The following UST variants were observed in gnomAD, a reference collection of about 807,000 sequenced individuals.
UST encodes chondroitin sulfate 2-O-sulfotransferase.
UST carries 21 observed loss-of-function variants against 45.6 expected under a neutral mutation model. The ratio of observed to expected loss-of-function variants is 0.46; its 90% CI spans 0.33 to 0.66. The LOEUF (loss-of-function observed/expected upper bound fraction) is 0.66. Among genes scored for constraint, UST ranks in the 30% least tolerant of loss-of-function variants. The pLI, the probability that UST is intolerant of heterozygous loss-of-function variation, is 0.02. For missense variants in UST, 463 were observed against 512.4 expected (o/e 0.90, Z 0.93); for synonymous variants, 215 against 200.6 (o/e 1.07, Z -0.61).
At chr6:148,772,214 A>T (rs1402501135) in intron 1 of UST, among the ~76,000 whole-genome samples, 1 of 152,178 alleles carries the variant, frequency 6.6e-6, no homozygotes, top group Non-Finnish European at 1.5e-5. Flanking sequence ...GTTTCTCTTT[A>T]TCGGTTTCTG....
At chr6:148,849,280 A>C (rs1778060175) in intron 1 of UST, among the ~76,000 whole-genome samples, 1 of 152,216 alleles carries the variant, frequency 6.6e-6, no homozygotes, top group Admixed American at 6.5e-5. Flanking sequence ...CATAGAGCTG[A>C]ATGTAAAAAT....
chr6:148,957,021 A>G (rs116688846), intron 4 of UST, among the ~76,000 whole-genome samples: 626 of 152,294 alleles, frequency 4.1e-3, no homozygotes, highest in African/African-American at 0.014. Flanking sequence ...TTCCCAGCAC[A>G]GCGACCAGCA....
chr6:148,912,393 C>T (rs1326022124), intron 2 of UST, among the ~76,000 whole-genome samples: 6 of 152,210 alleles, frequency 3.9e-5, no homozygotes, highest in African/African-American at 7.2e-5. Context: ...AAGAAAAGGA[C>T]GAAGGCCGAG....
chr6:149,010,382 G>A (rs998847687), intron 5 of UST, among the ~76,000 whole-genome samples: 3 of 152,104 alleles, frequency 2.0e-5, no homozygotes, highest in African/African-American at 7.2e-5. Context: ...CAAAGACCGC[G>A]GTTCCTTGTT....
chr6:148,754,056 G>A (rs895362071), intron 1 of UST, among the ~76,000 whole-genome samples: 11 of 150,410 alleles, frequency 7.3e-5, no homozygotes, highest in Admixed American at 2.7e-4. Context: ...GTGCAGTGGC[G>A]CGATCTCAGC....
chr6:148,805,312 C>G (rs537329794), intron 1 of UST, among the ~76,000 whole-genome samples: 1 of 152,130 alleles, frequency 6.6e-6, no homozygotes, highest in South Asian at 2.1e-4. Flanking sequence ...TAGAAATGTT[C>G]ACAAATCATG....
chr6:148,765,413 TG>T (rs1776303519), intron 1 of UST, among the ~76,000 whole-genome samples: 1 of 152,234 alleles, frequency 6.6e-6, no homozygotes. Context: ...CCTCCAGCTT[TG>T]TTCTTTTTGC....
intron 2 of UST, among the ~76,000 whole-genome samples, chr6:148,907,373 T>C (rs2114872956): frequency 6.6e-6 from 1 of 152,322 alleles, no homozygotes; most frequent in Middle Eastern, 3.4e-3. Flanking sequence ...AGAGGTGTAC[T>C]TATACTAAAT....
At chr6:149,043,019 CTTTTTCTT>C (rs1776344904) in intron 7 of UST, among the ~76,000 whole-genome samples, 2 of 103,386 alleles carry the variant, frequency 1.9e-5, no homozygotes, top group Admixed American at 1.8e-4. Context: ...TTCTTTCTTT[CTTTTTCTT>C]TCTTTCTTTC....
rs183868601 is a variant in UST, at chr6:148,788,792, C to T, written c.247+41115C>T. Among the ~76,000 whole-genome samples the T allele has an allele frequency of 2.6e-5, 4 of 152,244 alleles. No individual in the cohort carries two copies. In the East Asian group the frequency reaches 5.8e-4, roughly 22 times the overall value. ...CTCCTTTATTACAAATGTTCAGTAA[C>T]GATCTCATCAACATGATGTCTGTAG... is the stretch of plus-strand genomic sequence containing the variant. On this transcript the variant is annotated intron_variant, in intron 1 of 7. Transcript: ENST00000367463.
intron 1 of UST, among the ~76,000 whole-genome samples, chr6:148,868,142 C>T (rs1778480582): frequency 6.6e-6 from 1 of 151,498 alleles, no homozygotes; most frequent in Non-Finnish European, 1.5e-5. Context: ...TTCTGATGAG[C>T]TTCTGCTCCC....
At chr6:148,765,509 C>T (rs1027984788) in intron 1 of UST, among the ~76,000 whole-genome samples, 14 of 152,104 alleles carry the variant, frequency 9.2e-5, no homozygotes, top group South Asian at 2.1e-4. Flanking sequence ...AAAATGACAT[C>T]GGTAATTTTC....
intron 7 of UST, among the ~76,000 whole-genome samples, chr6:149,026,297 A>G (rs2115022490): frequency 6.6e-6 from 1 of 152,350 alleles, no homozygotes; most frequent in Admixed American, 6.5e-5. Context: ...AGCCTAGGTG[A>G]CAGAGCAAGA....
intron 2 of UST, among the ~76,000 whole-genome samples, chr6:148,905,218 G>T (rs200208304): frequency 1.4e-4 from 21 of 152,272 alleles, no homozygotes; most frequent in African/African-American, 4.8e-4. Context: ...CCAAACCTCT[G>T]AGTCATTACT....
intron 7 of UST, among the ~76,000 whole-genome samples, chr6:149,069,777 T>C (rs1776791095): frequency 6.6e-6 from 1 of 152,256 alleles, no homozygotes; most frequent in South Asian, 2.1e-4. Flanking sequence ...CCAAAGTTTT[T>C]CTGGCCTGAA....
chr6:149,050,707 A>G (rs116009270), intron 7 of UST, among the ~76,000 whole-genome samples: 2 of 152,352 alleles, frequency 1.3e-5, no homozygotes, highest in Admixed American at 6.5e-5. Flanking sequence ...CTTTGGATAC[A>G]TATTAGCCAA....
intron 1 of UST, among the ~76,000 whole-genome samples, chr6:148,857,212 G>A (rs1460477027): frequency 1.3e-5 from 2 of 152,082 alleles, no homozygotes; most frequent in African/African-American, 2.4e-5. Context: ...GCAACAAATT[G>A]TAGGGATGCT....
chr6:148,759,672 C>A lies in UST; in HGVS notation c.247+11995C>A, dbSNP rs573317359. Among the ~76,000 whole-genome samples the A allele has an allele frequency of 2.1e-4, 31 of 150,632 alleles. No individual in the cohort carries two copies. In the South Asian group the frequency reaches 6.5e-3, roughly 31 times the overall value. ...GACCGTCCTGGCTAACACGGTGAAACCCCGTCTGTACTAAAAATACAAAAA... is the reference window on the plus strand; with the variant it reads ...GACCGTCCTGGCTAACACGGTGAAAACCCGTCTGTACTAAAAATACAAAAA... On this transcript the variant is annotated intron_variant, in intron 1 of 7. Transcript: ENST00000367463.
At chr6:149,002,655 G>A (rs1164908240) in intron 5 of UST, among the ~76,000 whole-genome samples, 1 of 152,050 alleles carries the variant, frequency 6.6e-6, no homozygotes, top group Non-Finnish European at 1.5e-5. Flanking sequence ...TACAGGCACA[G>A]ACCACCACGC....
Sources: allele counts gnomAD v4.1 joint callset (sites outside exome capture counted in the v4.1 genomes callset), GRCh38; gene constraint gnomAD v4.1.1; transcripts MANE v1.5; gene names NCBI Gene and HGNC (gene_info 2026-07-23, HGNC 2026-07-21).